LGSN: variants seen among roughly 807,000 people sequenced by gnomAD.
The protein encoded by LGSN is lengsin.
In LGSN, 21 loss-of-function variants were observed where a neutral mutation model predicts 19.5. That is an observed-to-expected ratio of 1.07 (90% CI 0.76 to 1.55). The LOEUF (loss-of-function observed/expected upper bound fraction) is 1.55, where lower values mean the gene tolerates loss of function less well. Among genes scored for constraint, LGSN ranks in the 40% most tolerant of loss-of-function variants. The pLI is 0.00. For missense variants in LGSN, 673 were observed against 608.5 expected, an observed-to-expected ratio of 1.11 and a Z score of -1.12; for synonymous variants, 257 against 215.6, an observed-to-expected ratio of 1.19 and a Z score of -1.68.
chr6:63,480,986 T>TATATATACAC, the LGSN span, among the ~76,000 whole-genome samples: 16 of 44,080 alleles, frequency 3.6e-4, no homozygotes, highest in Non-Finnish European at 8.6e-4. Context: ...TATATATATA[T>TATATATACAC]ACACACACAC....
At chr6:63,368,913 A>G in the LGSN span, among the ~76,000 whole-genome samples, 1 of 152,194 alleles carries the variant, frequency 6.6e-6, no homozygotes, top group Non-Finnish European at 1.5e-5. Context: ...AAAACCATCA[A>G]CTTGTTCCAG....
At chr6:63,522,967 C>T in the LGSN span, among the ~76,000 whole-genome samples, 276 of 151,070 alleles carry the variant, frequency 1.8e-3, 1 homozygote, top group African/African-American at 6.3e-3. Context: ...CAGGTTCAAG[C>T]GATTCTCCTG....
At chr6:63,406,855 C>T in the LGSN span, among the ~76,000 whole-genome samples, 7 of 151,988 alleles carry the variant, frequency 4.6e-5, no homozygotes, top group East Asian at 1.9e-4. Context: ...TTATCACCAC[C>T]GATCTCACAG....
the LGSN span, among the ~76,000 whole-genome samples, chr6:63,534,252 A>G: frequency 6.6e-6 from 1 of 152,196 alleles, no homozygotes. Context: ...ACATGGTTTA[A>G]CAGTGTAACT....
the LGSN span, among the ~76,000 whole-genome samples, chr6:63,390,340 G>C: frequency 6.6e-6 from 1 of 151,158 alleles, no homozygotes. Flanking sequence ...ATGTTGGCCA[G>C]GCTGGTCTCA....
the LGSN span, among the ~76,000 whole-genome samples, chr6:63,364,209 GC>G: frequency 1.3e-5 from 2 of 151,832 alleles, no homozygotes; most frequent in Non-Finnish European, 2.9e-5. Context: ...ACACACATAC[GC>G]TCAAAATAAA....
At chr6:63,395,901 A>G in the LGSN span, 1 of 154,304 alleles carries the variant, frequency 6.5e-6, no homozygotes, top group East Asian at 1.9e-4. Flanking sequence ...GAGGGGAAAG[A>G]TAAAGGATTA....
chr6:63,562,873 A>C, the LGSN span, among the ~76,000 whole-genome samples: 6 of 152,224 alleles, frequency 3.9e-5, no homozygotes, highest in Non-Finnish European at 8.8e-5. Flanking sequence ...TTGCTAATGA[A>C]AATGTGAAAT....
At chr6:63,322,257 A>G (rs185525831), upstream of LGSN, among the ~76,000 whole-genome samples, 9 of 152,326 alleles carry the variant, frequency 5.9e-5, no homozygotes, top group African/African-American at 2.2e-4. Context: ...ATTATATGTT[A>G]CAGTACAGTG....
At chr6:63,523,290 C>T in the LGSN span, among the ~76,000 whole-genome samples, 1 of 151,924 alleles carries the variant, frequency 6.6e-6, no homozygotes, top group African/African-American at 2.4e-5. Flanking sequence ...AATATGATGT[C>T]TATAAATGAA....
At chr6:63,374,401 A>G in the LGSN span, among the ~76,000 whole-genome samples, 1 of 152,232 alleles carries the variant, frequency 6.6e-6, no homozygotes, top group Admixed American at 6.5e-5. Context: ...GGTTCCAAAA[A>G]GAAGGGTAAC....
the LGSN span, among the ~76,000 whole-genome samples, chr6:63,412,299 G>A: frequency 2.6e-5 from 4 of 151,070 alleles, no homozygotes; most frequent in Admixed American, 6.6e-5. Context: ...CCCAGGAGGC[G>A]GAGGTTGCAG....
chr6:63,307,014 A>G (rs1768419080), intron 1 of LGSN, among the ~76,000 whole-genome samples: 1 of 152,150 alleles, frequency 6.6e-6, no homozygotes, highest in Admixed American at 6.6e-5. Flanking sequence ...AGCTCTAGAG[A>G]TATGAGGCAC....
intron 2 of LGSN, among the ~76,000 whole-genome samples, chr6:63,291,059 T>C (rs1022242593): frequency 6.6e-6 from 1 of 152,196 alleles, no homozygotes; most frequent in Admixed American, 6.5e-5. Flanking sequence ...GGTAGTGAGA[T>C]GGGAGAGTTC....
the LGSN span, among the ~76,000 whole-genome samples, chr6:63,537,853 G>A: frequency 7.2e-5 from 11 of 152,204 alleles, no homozygotes; most frequent in African/African-American, 9.7e-5. Flanking sequence ...AGAATCTGGC[G>A]AAAGGGCCAC....
chr6:63,384,296 T>C, the LGSN span, among the ~76,000 whole-genome samples: 1 of 152,192 alleles, frequency 6.6e-6, no homozygotes, highest in Admixed American at 6.5e-5. Flanking sequence ...ATGACCCCAG[T>C]TGTTTTTCCA....
chr6:63,412,443 C>A, the LGSN span, among the ~76,000 whole-genome samples: 7,538 of 74,308 alleles, frequency 0.1, 621 homozygotes, highest in African/African-American at 0.25. Flanking sequence ...AGAAAGAAAG[C>A]AAGAAAGAAA....
At chr6:63,517,746 A>C in the LGSN span, among the ~76,000 whole-genome samples, 1 of 152,200 alleles carries the variant, frequency 6.6e-6, no homozygotes, top group Non-Finnish European at 1.5e-5. Context: ...TGGAGAATTA[A>C]AAATTAAGGA....
chr6:63,283,176 C>T (rs1767385828), intron 3 of LGSN, among the ~76,000 whole-genome samples: 1 of 151,892 alleles, frequency 6.6e-6, no homozygotes, highest in African/African-American at 2.4e-5. Context: ...TTGCTTTATT[C>T]TTTTCTTGGA....
Sources: allele counts gnomAD v4.1 joint callset (sites outside exome capture counted in the v4.1 genomes callset), GRCh38; gene constraint gnomAD v4.1.1; transcripts MANE v1.5; gene names NCBI Gene and HGNC (gene_info 2026-07-23, HGNC 2026-07-21).